FGF18: variants seen among roughly 807,000 people sequenced by gnomAD.
The protein encoded by FGF18 is fibroblast growth factor 18.
A neutral mutation model predicts 23.0 loss-of-function variants in FGF18; 5 were observed. The observed-to-expected ratio is 0.22, with a 90% CI of 0.11 to 0.46. FGF18 has a LOEUF of 0.46. Ranked by LOEUF, FGF18 falls within the 20% of genes least tolerant of loss-of-function variation. The pLI is 0.99. For synonymous variants in FGF18, 117 were observed against 118.9 expected, an observed-to-expected ratio of 0.98 and a Z score of 0.10; for missense variants, 180 against 291.6, an observed-to-expected ratio of 0.62 and a Z score of 2.79.
At chr5:171,430,560 G>A (rs1425771796) in intron 2 of FGF18, among the ~76,000 whole-genome samples, 2 of 142,990 alleles carry the variant, frequency 1.4e-5, no homozygotes, top group South Asian at 2.1e-4. Context: ...AGGCCGAGGC[G>A]GGTGGATCAT....
intron 3 of FGF18, among the ~76,000 whole-genome samples, chr5:171,442,576 C>T (rs542587072): frequency 1.5e-3 from 224 of 152,348 alleles, no homozygotes; most frequent in Non-Finnish European, 2.5e-3. Context: ...CCCTGCTGCT[C>T]TTGCGGGTCT....
intron 4 of FGF18, 87 bp downstream of exon 4, chr5:171,449,340 G>A (rs1017788821): frequency 1.7e-5 from 13 of 752,644 alleles, no homozygotes; most frequent in Middle Eastern, 2.9e-4. Context: ...GGCACTGTCA[G>A]TCCCAAATGG....
At chr5:171,430,382 C>T (rs548213796) in intron 2 of FGF18, among the ~76,000 whole-genome samples, 1 of 149,410 alleles carries the variant, frequency 6.7e-6, no homozygotes, top group South Asian at 2.1e-4. Context: ...AAAAATTGTA[C>T]CAACTCATAG....
intron 2 of FGF18, among the ~76,000 whole-genome samples, chr5:171,425,006 T>G (rs938809775): frequency 5.9e-5 from 9 of 152,224 alleles, no homozygotes; most frequent in African/African-American, 1.9e-4. Flanking sequence ...CGGTCACAGA[T>G]GCAGCCTCCA....
Position 171,436,805 on chromosome 5 carries a change from C to T in FGF18, c.250+532C>T, listed in dbSNP as rs1179214548. On this transcript the variant is annotated intron_variant, in intron 3 of 4. Transcript: ENST00000274625. The surrounding 1 kb of genome is among the most constrained non-coding windows in gnomAD (Gnocchi z 4.4). ...GACCTGCCCTTGACCCTGGAACTGC[C>T]CAACCCTCCTGGAGTACTTGGGAAC... 6.6e-6 allele frequency among the ~76,000 whole-genome samples: 1 copy of T among 152,152 alleles called. No individual in the cohort carries two copies. Among genetic ancestry groups the T allele is most frequent in the Non-Finnish European group, 1.5e-5 (1 of 68,032 alleles).
At chr5:171,427,881 C>T (rs1772120335) in intron 2 of FGF18, among the ~76,000 whole-genome samples, 1 of 152,132 alleles carries the variant, frequency 6.6e-6, no homozygotes, top group African/African-American at 2.4e-5. Context: ...CTGCGGGGCT[C>T]ACAGGGATGG....
Position 171,434,600 on chromosome 5 carries a change from A to G in FGF18, c.70-1493A>G, listed in dbSNP as rs1053753684. On this transcript the variant is annotated intron_variant, in intron 2 of 4. Transcript: ENST00000274625. The surrounding 1 kb of genome is among the most constrained non-coding windows in gnomAD (Gnocchi z 4.6). ...CCAGAATGCTGTCTGGGCTTCAGGA[A>G]TGGCTCAGCCTTGTGGTTGACATGG... Among the ~76,000 whole-genome samples the G allele has an allele frequency of 6.6e-6, 1 of 152,132 alleles. No homozygotes were observed. The highest frequency in any genetic ancestry group is 2.4e-5 in the African/African-American group (1 of 41,426).
intron 3 of FGF18, among the ~76,000 whole-genome samples, chr5:171,442,990 T>C (rs1581276610): frequency 6.6e-6 from 1 of 152,370 alleles, no homozygotes; most frequent in East Asian, 1.9e-4. Flanking sequence ...GTTCAAATCC[T>C]GGTCCTACTG....
At chr5:171,423,201 C>T (rs1336279313) in intron 2 of FGF18, among the ~76,000 whole-genome samples, 1 of 152,184 alleles carries the variant, frequency 6.6e-6, no homozygotes, top group East Asian at 1.9e-4. Context: ...GGTGAGCCCG[C>T]CCTCACCCGC....
At chr5:171,447,417 A>T (rs1772434663) in intron 3 of FGF18, among the ~76,000 whole-genome samples, 1 of 152,232 alleles carries the variant, frequency 6.6e-6, no homozygotes, top group Admixed American at 6.5e-5. Context: ...GGGAACAAGG[A>T]GGATCAAGGG....
In FGF18 at chr5:171,420,057, T is replaced by C. The variant is rs1771977428; in HGVS notation, c.-143T>C. The C allele has an allele frequency of 5.3e-6, 3 of 564,400 alleles. No individual in the cohort carries two copies. Among genetic ancestry groups the C allele is most frequent in the Non-Finnish European group, 7.7e-6 (3 of 388,110 alleles). 35.0% of individuals were successfully genotyped at this position (564,400 alleles called of 1,614,324 possible). A position where few individuals can be genotyped will look rare whatever the true frequency, so the allele number is the denominator to read the frequency against. On this transcript the variant is annotated 5_prime_UTR_variant, in exon 1 of 5. Coordinates refer to ENST00000274625, the MANE Select transcript of FGF18 (RefSeq NM_003862.3). ...CGCGGAGCGCCCCGGAGCAGCAGAG[T>C]CTGCAGCAGCAGCAGCCGGCGAGGA...
chr5:171,447,580 T>C (rs1173115903), intron 3 of FGF18, among the ~76,000 whole-genome samples: 1 of 152,236 alleles, frequency 6.6e-6, no homozygotes, highest in Non-Finnish European at 1.5e-5. Flanking sequence ...TTCTTCTTTT[T>C]TTCCCTCTTG....
rs78178946 is a variant in FGF18 at position 171,451,786 on chromosome 5, G to A, written c.357+2533G>A. 8.0e-3 allele frequency among the ~76,000 whole-genome samples: 1,223 copies of A among 152,244 alleles called. 14 individuals carry two copies. Among genetic ancestry groups the A allele is most frequent in the African/African-American group, 0.028 (1,143 of 41,542 alleles). ...CCGCTGTTCCATGGACGGGGCCTTC[G>A]GGCACTGTCCATGCTGTGCCCTCTG... On this transcript the variant is annotated intron_variant, in intron 4 of 4. Coordinates refer to ENST00000274625, the MANE Select transcript of FGF18 (RefSeq NM_003862.3). The surrounding 1 kb of genome is among the most constrained non-coding windows in gnomAD (Gnocchi z 4.5).
At chr5:171,454,790 G>A (rs1369667991) in intron 4 of FGF18, among the ~76,000 whole-genome samples, 4 of 152,232 alleles carry the variant, frequency 2.6e-5, no homozygotes, top group Non-Finnish European at 2.9e-5. Flanking sequence ...GAGTGGGCCC[G>A]GCCTAAATTT....
chr5:171,445,032 A>G, intron 3 of FGF18, among the ~76,000 whole-genome samples: 1 of 151,952 alleles, frequency 6.6e-6, no homozygotes, highest in Non-Finnish European at 1.5e-5. Flanking sequence ...TGGACTGGGG[A>G]GGGTGCTGCC....
chr5:171,445,713 T>G (rs757943796), intron 3 of FGF18, among the ~76,000 whole-genome samples: 1 of 151,780 alleles, frequency 6.6e-6, no homozygotes, highest in African/African-American at 2.4e-5. Context: ...AGAGGAGAGA[T>G]GGATGGGGGT....
chr5:171,457,041 C>G lies in FGF18; in HGVS notation c.*236C>G. 1.9e-6 allele frequency: 1 copy of G among 537,958 alleles called. No individual in the cohort carries two copies. Among genetic ancestry groups the G allele is most frequent in the South Asian group, 2.4e-5 (1 of 41,252 alleles). 33.3% of individuals were successfully genotyped at this position (537,958 alleles called of 1,614,324 possible). A position where few individuals can be genotyped will look rare whatever the true frequency, so the allele number is the denominator to read the frequency against. On this transcript the variant is annotated 3_prime_UTR_variant, in exon 5 of 5. Coordinates refer to ENST00000274625, the MANE Select transcript of FGF18 (RefSeq NM_003862.3). ...ACGCAAAGGGACTGTAGTCAACCCA[C>G]AGGTGCTTGTCTCTCTCTAGGAACA...
chr5:171,446,324 T>C (rs575788362), intron 3 of FGF18, among the ~76,000 whole-genome samples: 65 of 151,746 alleles, frequency 4.3e-4, no homozygotes, highest in African/African-American at 1.6e-3. Flanking sequence ...CCCTGGCTGG[T>C]GAGGGGTGGG....
At chr5:171,435,913 AGCCCC>A (rs1772237613) in intron 2 of FGF18, among the ~76,000 whole-genome samples, 175 bp from the exon 3 acceptor site, 1 of 152,116 alleles carries the variant, frequency 6.6e-6, no homozygotes, top group South Asian at 2.1e-4. Flanking sequence ...CGCCTCTCAG[AGCCCC>A]GGTTGCCTTG....
Sources: allele counts gnomAD v4.1 joint callset (sites outside exome capture counted in the v4.1 genomes callset), GRCh38; gene constraint gnomAD v4.1.1; non-coding constraint Gnocchi (gnomAD v3.1); transcripts MANE v1.5; gene names NCBI Gene and HGNC (gene_info 2026-07-23, HGNC 2026-07-21).